CACNA1B: variants seen among roughly 807,000 people sequenced by gnomAD.
CACNA1B encodes the protein voltage-dependent N-type calcium channel subunit alpha-1B.
CACNA1B carries 70 observed loss-of-function variants against 247.2 expected under a neutral mutation model. The ratio of observed to expected loss-of-function variants is 0.28; its 90% confidence interval spans 0.23 to 0.35. The LOEUF (loss-of-function observed/expected upper bound fraction) is 0.35, where lower values mean the gene tolerates loss of function less well. Ranked by LOEUF, CACNA1B falls within the 10% of genes least tolerant of loss-of-function variation. CACNA1B has a pLI of 1.00. For missense variants in CACNA1B, 2,367 were observed against 3,197.4 expected (o/e 0.74, Z 6.26); for synonymous variants, 1,231 against 1,294.4 (o/e 0.95, Z 1.05).
chr9:138,024,376 A>G (rs1342682598), intron 19 of CACNA1B, among the ~76,000 whole-genome samples: 1 of 152,174 alleles, frequency 6.6e-6, no homozygotes, highest in Non-Finnish European at 1.5e-5. Flanking sequence ...AGCAGTCGCC[A>G]GGTACCCACT....
At chr9:137,906,105 G>C (rs756559398) in intron 3 of CACNA1B, among the ~76,000 whole-genome samples, 6 of 152,188 alleles carry the variant, frequency 3.9e-5, no homozygotes, top group Non-Finnish European at 5.9e-5. Flanking sequence ...CGGATTTTGT[G>C]TTTTTATGGC....
intron 26 of CACNA1B, among the ~76,000 whole-genome samples, chr9:138,056,646 A>G (rs895712014): frequency 1.2e-4 from 18 of 152,368 alleles, no homozygotes; most frequent in Middle Eastern, 3.4e-3. Flanking sequence ...AGGAAATGCC[A>G]GACTGTTTCC....
chr9:138,104,293 T>C (rs1961350960), intron 38 of CACNA1B, among the ~76,000 whole-genome samples: 1 of 152,198 alleles, frequency 6.6e-6, no homozygotes, highest in African/African-American at 2.4e-5. Flanking sequence ...ATGGCACCCC[T>C]GGGGAGGGCA....
At chr9:137,928,819 A>G (rs1957579200) in intron 6 of CACNA1B, among the ~76,000 whole-genome samples, 1 of 152,184 alleles carries the variant, frequency 6.6e-6, no homozygotes, top group South Asian at 2.1e-4. Flanking sequence ...GGCAAGCACT[A>G]ACCTTTCTGT....
chr9:138,095,726 A>G (rs1042540688), intron 36 of CACNA1B, among the ~76,000 whole-genome samples: 4 of 152,262 alleles, frequency 2.6e-5, no homozygotes, highest in African/African-American at 9.6e-5. Context: ...CCAAATGCCT[A>G]TCAGTGAATG....
rs890716699 is a variant in CACNA1B at position 138,010,724 on chromosome 9, G to A, written c.2160+647G>A. ...TCAGTGTGTACCTGTGTGTCACCAT[G>A]TATGTGTCACTGTGTGCCCTCTTCT... On this transcript the variant is annotated intron_variant, in intron 17 of 46. Transcript: ENST00000371372. This position sits in a 1 kb window ranked among gnomAD's most constrained non-coding sequence, Gnocchi z 5.3. 4.6e-5 allele frequency among the ~76,000 whole-genome samples: 7 copies of A among 152,176 alleles called. No homozygotes were observed. The highest frequency in any genetic ancestry group is 1.4e-4 in the African/African-American group (6 of 41,436).
intron 18 of CACNA1B, among the ~76,000 whole-genome samples, chr9:138,017,979 A>G (rs1280099590): frequency 5.5e-5 from 7 of 128,072 alleles, no homozygotes; most frequent in African/African-American, 1.8e-4. Context: ...GGCCAGGTGC[A>G]GTTAGGCCAC....
chr9:137,991,556 C>T lies in CACNA1B; in HGVS notation c.1974+4702C>T, dbSNP rs114344589. ...TGCTAGAGATCTAGACATCCAAATA[C>T]AAGAACTCAAAAAACACACTTGGGA... is the stretch of plus-strand genomic sequence containing the variant. On this transcript the variant is annotated intron_variant, in intron 15 of 46. Coordinates refer to ENST00000371372, the MANE Select transcript of CACNA1B (RefSeq NM_000718.4). Among the ~76,000 whole-genome samples, 184 of 152,280 alleles carry T rather than the reference C, an allele frequency of 1.2e-3. 2 individuals are homozygous for T. The highest frequency in any genetic ancestry group is 4.3e-3 in the African/African-American group (179 of 41,576).
chr9:138,110,923 A>C (rs555997664), intron 39 of CACNA1B, among the ~76,000 whole-genome samples: 2 of 152,224 alleles, frequency 1.3e-5, no homozygotes, highest in East Asian at 3.9e-4. Context: ...ATGGAAGGCA[A>C]ACAAACACAT....
intron 38 of CACNA1B, among the ~76,000 whole-genome samples, chr9:138,105,209 T>C (rs1450459387): frequency 6.6e-6 from 1 of 152,212 alleles, no homozygotes; most frequent in Non-Finnish European, 1.5e-5. Flanking sequence ...ATGTCACCTG[T>C]AGGGGCCCCC....
intron 3 of CACNA1B, among the ~76,000 whole-genome samples, chr9:137,900,280 G>C (rs1957217758): frequency 6.6e-6 from 1 of 152,204 alleles, no homozygotes; most frequent in South Asian, 2.1e-4. Context: ...GGTGAGTTTT[G>C]GGTTAGGGTT....
intron 26 of CACNA1B, among the ~76,000 whole-genome samples, chr9:138,055,518 A>G (rs570425129): frequency 6.6e-6 from 1 of 152,254 alleles, no homozygotes; most frequent in African/African-American, 2.4e-5. Flanking sequence ...AATCTATCCC[A>G]AGGCCAGGGA....
At chr9:137,970,574 G>A (rs567955286) in intron 10 of CACNA1B, among the ~76,000 whole-genome samples, 2 of 152,320 alleles carry the variant, frequency 1.3e-5, no homozygotes, top group East Asian at 3.9e-4. Flanking sequence ...ATGTGGTCAG[G>A]GCCACTGTCG....
chr9:138,117,989 A>T lies in CACNA1B; in HGVS notation c.5821A>T (p.Thr1941Ser). The change falls in exon 43 of 47, where the codon ACT (threonine) becomes TCT (serine). Residue 1941 changes from threonine to serine, a missense_variant. By Grantham distance (58) the Thr-to-Ser change is moderately conservative (BLOSUM62 1). Around this residue, in one of 12 missense-constraint regions of CACNA1B, gnomAD observed 773 missense variants for 779.4 expected, o/e 0.99. Transcript: ENST00000371372. Reference sequence around the variant, plus strand: ...CATCAAAGAGTCTGTCTCCTGGGGCACTCAAAGGACCCAGGATGCACCCCA... The same window carrying T: ...CATCAAAGAGTCTGTCTCCTGGGGCTCTCAAAGGACCCAGGATGCACCCCA... ...SGIKESVSWG[T>S]QRTQDAPHEA... 6.3e-7 allele frequency: 1 copy of T among 1,595,970 alleles called. No individual in the cohort carries two copies. The highest frequency in any genetic ancestry group is 8.5e-7 in the Non-Finnish European group (1 of 1,170,048).
intron 18 of CACNA1B, among the ~76,000 whole-genome samples, chr9:138,013,953 A>T (rs1958758243): frequency 6.6e-6 from 1 of 152,192 alleles, no homozygotes; most frequent in Admixed American, 6.5e-5. Flanking sequence ...TTAGCTCTGG[A>T]GCCACTAGCT....
intron 23 of CACNA1B, among the ~76,000 whole-genome samples, 175 bp from the exon 24 acceptor site, chr9:138,049,034 C>T (rs892753683): frequency 2.0e-5 from 3 of 152,010 alleles, no homozygotes; most frequent in Non-Finnish European, 4.4e-5. Flanking sequence ...TATTTTTTTT[C>T]TTAAGAGACA....
chr9:138,103,872 G>C (rs560189914), intron 38 of CACNA1B, among the ~76,000 whole-genome samples: 1 of 152,226 alleles, frequency 6.6e-6, no homozygotes, highest in Non-Finnish European at 1.5e-5. Context: ...TTTGTCACCC[G>C]ACTCAGTGCA....
At position 137,881,632 on chromosome 9, in the gene CACNA1B, C is replaced by T. The variant is rs1298712386; in HGVS notation, c.391-1112C>T. Among the ~76,000 whole-genome samples, 1 of 152,226 alleles carries T rather than the reference C, an allele frequency of 6.6e-6. No homozygotes were observed. Among genetic ancestry groups the T allele is most frequent in the African/African-American group, 2.4e-5 (1 of 41,468 alleles). Reference sequence around the variant, plus strand: ...CACCCCCATGCCAACCCTGCACATGCAGCTCCCTCAGCCCAGCTTCCCGGG... The same window carrying T: ...CACCCCCATGCCAACCCTGCACATGTAGCTCCCTCAGCCCAGCTTCCCGGG... On this transcript the variant is annotated intron_variant, in intron 2 of 46. Transcript: ENST00000371372. This position sits in a 1 kb window ranked among gnomAD's most constrained non-coding sequence, Gnocchi z 4.3.
Position 137,882,083 on chromosome 9 carries a change from T to C in CACNA1B, c.391-661T>C, listed in dbSNP as rs1043848689. 6.6e-6 allele frequency among the ~76,000 whole-genome samples: 1 copy of C among 152,094 alleles called. No individual in the cohort carries two copies. Among genetic ancestry groups the C allele is most frequent in the African/African-American group, 2.4e-5 (1 of 41,422 alleles). On this transcript the variant is annotated intron_variant, in intron 2 of 46. Transcript: ENST00000371372. The surrounding 1 kb of genome is among the most constrained non-coding windows in gnomAD (Gnocchi z 4.0). ...TCGCTCAGCACACTCAGGGCTGAGG[T>C]TGTGCTTCTCATTTCTGTTGTTTTC...
Sources: allele counts gnomAD v4.1 joint callset (sites outside exome capture counted in the v4.1 genomes callset), GRCh38; gene constraint gnomAD v4.1.1; regional missense constraint gnomAD v4.1.1; non-coding constraint Gnocchi (gnomAD v3.1); transcripts MANE v1.5; gene names NCBI Gene and HGNC (gene_info 2026-07-23, HGNC 2026-07-21).